ZFR: variants seen among roughly 807,000 people sequenced by gnomAD.
ZFR encodes zinc finger RNA-binding protein.
A neutral mutation model predicts 130.7 loss-of-function variants in ZFR; 19 were observed. The ratio of observed to expected loss-of-function variants is 0.15; its 90% CI spans 0.10 to 0.21. ZFR has a LOEUF of 0.21. Among genes scored for constraint, ZFR ranks in the 10% least tolerant of loss-of-function variants. ZFR has a pLI of 1.00. For synonymous variants in ZFR, 466 were observed against 456.9 expected, an observed-to-expected ratio of 1.02 and a Z score of -0.25; for missense variants, 872 against 1,321.5, an observed-to-expected ratio of 0.66 and a Z score of 5.27.
intron 3 of ZFR, among the ~76,000 whole-genome samples, chr5:32,418,686 C>G (rs953502610): frequency 6.6e-6 from 1 of 152,134 alleles, no homozygotes; most frequent in African/African-American, 2.4e-5. Flanking sequence ...CATTTAGTAA[C>G]CTGCCTAAAA....
At chr5:32,400,298 A>G in intron 8 of ZFR, 95 bp from the exon 9 acceptor site, 1 of 927,044 alleles carries the variant, frequency 1.1e-6, no homozygotes, top group East Asian at 2.9e-5. Flanking sequence ...CTTTTCTGCT[A>G]ATAGTCAAAC....
At chr5:32,422,391 G>C (rs1347921420) in intron 2 of ZFR, among the ~76,000 whole-genome samples, 1 of 152,104 alleles carries the variant, frequency 6.6e-6, no homozygotes, top group African/African-American at 2.4e-5. Flanking sequence ...ATATGAAAAA[G>C]ATGCCAGCAG....
chr5:32,438,133 ATTTG>A (rs1357126106), intron 2 of ZFR, among the ~76,000 whole-genome samples: 1 of 151,488 alleles, frequency 6.6e-6, no homozygotes, highest in East Asian at 1.9e-4. Context: ...TGAATACTTC[ATTTG>A]TTTTATTCCT....
At chr5:32,437,753 C>T (rs930432780) in intron 2 of ZFR, among the ~76,000 whole-genome samples, 2 of 151,838 alleles carry the variant, frequency 1.3e-5, no homozygotes, top group Non-Finnish European at 2.9e-5. Flanking sequence ...TAGATATATA[C>T]TCTAATCCAA....
At chr5:32,426,137 C>G (rs1363284267) in intron 2 of ZFR, among the ~76,000 whole-genome samples, 1 of 152,248 alleles carries the variant, frequency 6.6e-6, no homozygotes, top group East Asian at 1.9e-4. Flanking sequence ...ATTGTTTAAT[C>G]TAAACCCAAG....
At position 32,403,084 on chromosome 5, in the gene ZFR, G is replaced by A. The variant is rs921624856; in HGVS notation, c.1516+22C>T. 10 of 1,606,618 alleles carry A rather than the reference G, an allele frequency of 6.2e-6. No homozygotes were observed. The African/African-American group carries it at 9.4e-5, about 15-fold the overall frequency. On this transcript the variant is annotated intron_variant, in intron 8 of 19. Coordinates refer to ENST00000265069, the MANE Select transcript of ZFR (RefSeq NM_016107.5). ...ACAACACTTTGACAGAGTCAGCAGG[G>A]ACAGAGAATATCAGTACTTGCCAAC...
Position 32,385,317 on chromosome 5 carries a change from A to C in ZFR, c.2641+191T>G, listed in dbSNP as rs371745617. ...ATCATACCATAGTGTTTTATATAAA[A>C]ATACATCACTAAAAAGAGCATTTAC... On this transcript the variant is annotated intron_variant, in intron 15 of 19. Coordinates refer to ENST00000265069, the MANE Select transcript of ZFR (RefSeq NM_016107.5). 1.8e-4 allele frequency among the ~76,000 whole-genome samples: 28 copies of C among 152,266 alleles called. No individual in the cohort carries two copies. In the South Asian group the frequency reaches 5.6e-3, roughly 30 times the overall value.
intron 2 of ZFR, among the ~76,000 whole-genome samples, chr5:32,442,900 C>T (rs1754504543): frequency 6.6e-6 from 1 of 152,082 alleles, no homozygotes; most frequent in African/African-American, 2.4e-5. Context: ...ATGTTCCCAA[C>T]GTCATAAAAT....
chr5:32,412,756 T>C (rs1753739015), intron 5 of ZFR, among the ~76,000 whole-genome samples: 1 of 152,238 alleles, frequency 6.6e-6, no homozygotes, highest in African/African-American at 2.4e-5. Context: ...CTTATATTGC[T>C]GAGCCATTTG....
Position 32,444,623 on chromosome 5 carries a change from A to G in ZFR, c.36T>C (p.Tyr12=). The G allele has an allele frequency of 1.3e-6, 2 of 1,504,434 alleles. No individual in the cohort carries two copies. The highest frequency in any genetic ancestry group is 2.6e-5 in the South Asian group (2 of 78,360). The allele number at this position is 1,504,434 out of a possible 1,614,324, so 93.2% of individuals were successfully genotyped here. Residue 12 remains tyrosine (Y), a splice_region_variant and synonymous_variant, in exon 1 of 20, where the codon TAT becomes TAC. Transcript: ENST00000265069. ...CCTCGCGGGCCACATTAGACTCACC[A>G]TAGGTGAAAGAAACTACAGGGCATA... ...IPICPVVSFT[Y]VPSRLGEDAK...
intron 2 of ZFR, among the ~76,000 whole-genome samples, chr5:32,435,419 T>TTG (rs1251967769): frequency 2.0e-5 from 3 of 152,202 alleles, no homozygotes; most frequent in African/African-American, 7.2e-5. Flanking sequence ...GGGTGAAACA[T>TTG]TACAGACTTC....
chr5:32,385,293 T>A (rs1196374101), intron 15 of ZFR, among the ~76,000 whole-genome samples: 1 of 151,972 alleles, frequency 6.6e-6, no homozygotes, highest in East Asian at 1.9e-4. Flanking sequence ...AGAAAATCAA[T>A]CATACCATAG....
intron 17 of ZFR, among the ~76,000 whole-genome samples, chr5:32,369,566 G>A (rs1752615946): frequency 6.6e-6 from 1 of 152,096 alleles, no homozygotes; most frequent in African/African-American, 2.4e-5. Context: ...AGCACTTCTG[G>A]AGGCCAAGTT....
intron 2 of ZFR, among the ~76,000 whole-genome samples, chr5:32,423,798 GA>G: frequency 6.6e-6 from 1 of 152,196 alleles, no homozygotes; most frequent in East Asian, 1.9e-4. Context: ...TCCAGAGAGG[GA>G]AAAACTGGGC....
chr5:32,402,131 G>C (rs1214205398), intron 8 of ZFR, among the ~76,000 whole-genome samples: 1 of 151,140 alleles, frequency 6.6e-6, no homozygotes, highest in Non-Finnish European at 1.5e-5. Context: ...GCCCACATGG[G>C]AATGAATGAG....
chr5:32,415,686 G>T (rs11954183), intron 4 of ZFR, among the ~76,000 whole-genome samples: 40,384 of 151,996 alleles, frequency 0.27, 6,221 homozygotes, highest in Middle Eastern at 0.43. Flanking sequence ...TTTTTCCATA[G>T]TGAACTACAA....
chr5:32,417,644 C>A lies in ZFR; in HGVS notation c.565+4G>T. 1 of 1,612,226 alleles carries A rather than the reference C, an allele frequency of 6.2e-7. No individual in the cohort carries two copies. Among genetic ancestry groups the A allele is most frequent in the Non-Finnish European group, 8.5e-7 (1 of 1,179,818 alleles). The stretch of plus-strand genomic sequence containing the variant: ...AAGAAACTCTGTAGGTTAAGAAAAC[C>A]CACCTGTCTGATAGTAAGTTTCAGC... On this transcript the variant is annotated splice_donor_region_variant and intron_variant, in intron 4 of 19. Coordinates refer to ENST00000265069, the MANE Select transcript of ZFR (RefSeq NM_016107.5).
intron 15 of ZFR, among the ~76,000 whole-genome samples, chr5:32,381,675 A>C (rs967646131): frequency 6.6e-6 from 1 of 152,118 alleles, no homozygotes; most frequent in Non-Finnish European, 1.5e-5. Context: ...CATATAAAAA[A>C]CATATTTTGA....
At chr5:32,433,994 G>C (rs1037923959) in intron 2 of ZFR, among the ~76,000 whole-genome samples, 5 of 152,184 alleles carry the variant, frequency 3.3e-5, no homozygotes, top group Non-Finnish European at 4.4e-5. Flanking sequence ...ACCTGTGCCT[G>C]GGAGGCAGAG....
Sources: gnomAD v4.1 joint callset for allele counts (sites outside exome capture counted in the v4.1 genomes callset) on GRCh38, gnomAD v4.1.1 for gene constraint, MANE v1.5 for transcripts, NCBI Gene and HGNC (gene_info 2026-07-23, HGNC 2026-07-21) for gene names.